Variants in TERT observed in about 807,000 individuals in gnomAD.
TERT encodes telomerase reverse transcriptase.
In TERT, 42 loss-of-function variants were observed where a neutral mutation model predicts 104.0. The ratio of observed to expected loss-of-function variants is 0.40; its 90% CI spans 0.32 to 0.52. TERT has a LOEUF of 0.52. Ranked by LOEUF, TERT falls within the 20% of genes least tolerant of loss-of-function variation. The pLI, the probability that TERT is intolerant of heterozygous loss-of-function variation, is 0.43. For synonymous variants in TERT, 781 were observed against 725.6 expected (o/e 1.08, Z -1.23); for missense variants, 1,101 against 1,610.3 (o/e 0.68, Z 5.41).
At position 1,274,734 on chromosome 5, in the gene TERT, GT is replaced by G. The variant is rs1334837375; in HGVS notation, c.2287-2455del. ...CGGGTTCCTAACAGGCCCCAGACCG[GT>G]GCCACTCCACAGCCAGGGGCCTCGG... is the stretch of plus-strand genomic sequence containing the variant. On this transcript the variant is annotated intron_variant, in intron 6 of 15. Transcript: ENST00000310581. The surrounding 1 kb of genome is among the most constrained non-coding windows in gnomAD (Gnocchi z 5.3). 6.6e-6 allele frequency among the ~76,000 whole-genome samples: 1 copy of G among 152,224 alleles called. No homozygotes were observed. The highest frequency in any genetic ancestry group is 2.4e-5 in the African/African-American group (1 of 41,450).
chr5:1,279,165 G>A, intron 5 of TERT, 126 bp downstream of exon 5: 1 of 1,129,860 alleles, frequency 8.9e-7, no homozygotes, highest in East Asian at 2.6e-5. Context: ...GTCCTCAACA[G>A]TGACAGGGTC....
rs372502882 is a variant in TERT at position 1,256,868 on chromosome 5, C to G, written c.3033-1457G>C. Among the ~76,000 whole-genome samples the G allele has an allele frequency of 6.6e-6, 1 of 152,222 alleles. No homozygotes were observed. The highest frequency in any genetic ancestry group is 1.5e-5 in the Non-Finnish European group (1 of 68,042). On this transcript the variant is annotated intron_variant, in intron 13 of 15. Coordinates refer to ENST00000310581, the MANE Select transcript of TERT (RefSeq NM_198253.3). This position sits in a 1 kb window ranked among gnomAD's most constrained non-coding sequence, Gnocchi z 7.0. Reference sequence around the variant, plus strand: ...CTGCTAGAGGTCGGGGCGTCCACCCCAAGCCCGTGTGGAGGCGCGGCCAGC... The same window carrying G: ...CTGCTAGAGGTCGGGGCGTCCACCCGAAGCCCGTGTGGAGGCGCGGCCAGC...
In TERT at chr5:1,293,971, C is replaced by G; in HGVS notation, c.915G>C (p.Ala305=). The G allele has an allele frequency of 6.4e-7, 1 of 1,558,148 alleles. No individual in the cohort carries two copies. The highest frequency in any genetic ancestry group is 8.7e-7 in the Non-Finnish European group (1 of 1,154,984). ...GTGGCCGCGATGTGGATGGGGGGCC[C>G]GCGTGGTGCTGGCGGCCCACGGATG... ...SHPSVGRQHH[A]GPPSTSRPPR... The change falls in exon 2 of 16, where the codon GCG becomes GCC. Residue 305 remains alanine (A), a synonymous_variant. Transcript: ENST00000310581.
At chr5:1,271,320 G>T (rs1749018234) in intron 7 of TERT, 116 bp from the exon 8 acceptor site, 3 of 772,862 alleles carry the variant, frequency 3.9e-6, no homozygotes, top group Admixed American at 4.0e-5. Context: ...TGAAGTGCGG[G>T]GCTGGGCTGG....
chr5:1,266,317 G>A (rs2126600609), intron 10 of TERT, 147 bp downstream of exon 10: 3 of 808,236 alleles, frequency 3.7e-6, no homozygotes, highest in East Asian at 5.3e-5. Context: ...GCACGGCCAA[G>A]CGCCTCTGCT....
chr5:1,291,764 C>T (rs1359466504), intron 2 of TERT, among the ~76,000 whole-genome samples: 2 of 152,052 alleles, frequency 1.3e-5, no homozygotes, highest in Admixed American at 6.5e-5. Context: ...CAGGGACACC[C>T]GGGGACCACG....
At chr5:1,267,355 C>T (rs1218100653) in intron 9 of TERT, among the ~76,000 whole-genome samples, 2 of 152,200 alleles carry the variant, frequency 1.3e-5, no homozygotes, top group Non-Finnish European at 2.9e-5. Context: ...CACATCCTCT[C>T]CAGCACCAGA....
intron 11 of TERT, 54 bp from the exon 12 acceptor site, chr5:1,260,654 C>G: frequency 6.2e-7 from 1 of 1,609,106 alleles, no homozygotes; most frequent in Non-Finnish European, 8.5e-7. Context: ...ACCCAGCCCC[C>G]TCCTGCAAAG....
rs534881275 is a variant in TERT at position 1,265,790 on chromosome 5, C to T, written c.2654+674G>A. Among the ~76,000 whole-genome samples, 123 of 152,260 alleles carry T rather than the reference C, an allele frequency of 8.1e-4. No homozygotes were observed. Among genetic ancestry groups the T allele is most frequent in the African/African-American group, 2.7e-3 (112 of 41,544 alleles). ...ACAGCTTTCAAGGTTTCTCGTCCCT[C>T]GTCAAATCGCACTTTAAAACAAGCC... On this transcript the variant is annotated intron_variant, in intron 10 of 15. Transcript: ENST00000310581. This position sits in a 1 kb window ranked among gnomAD's most constrained non-coding sequence, Gnocchi z 6.9.
rs907350449 is a variant in TERT at position 1,288,558 on chromosome 5, C to T, written c.1573+4755G>A. Among the ~76,000 whole-genome samples the T allele has an allele frequency of 6.6e-6, 1 of 151,982 alleles. No individual in the cohort carries two copies. The highest frequency in any genetic ancestry group is 1.5e-5 in the Non-Finnish European group (1 of 68,004). On this transcript the variant is annotated intron_variant, in intron 2 of 15. Transcript: ENST00000310581. This position sits in a 1 kb window ranked among gnomAD's most constrained non-coding sequence, Gnocchi z 5.3. ...GGCAGAGCCCAGCCTAAGCAATGAGCGGCAGGTGCCCAGAATAAGGTGACA... is the reference window on the plus strand; with the variant it reads ...GGCAGAGCCCAGCCTAAGCAATGAGTGGCAGGTGCCCAGAATAAGGTGACA...
At position 1,270,226 on chromosome 5, in the gene TERT, AC is replaced by A. The variant is rs1188093222; in HGVS notation, c.2468+892del. ...TTTAATAAATATTATAATTGCTGAT[AC>A]CATTAGTGATTACTTATAATGCAAT... is the stretch of plus-strand genomic sequence containing the variant. On this transcript the variant is annotated intron_variant, in intron 8 of 15. Transcript: ENST00000310581. This position sits in a 1 kb window ranked among gnomAD's most constrained non-coding sequence, Gnocchi z 8.3. 1.3e-5 allele frequency among the ~76,000 whole-genome samples: 2 copies of A among 152,224 alleles called. No homozygotes were observed. Among genetic ancestry groups the A allele is most frequent in the Non-Finnish European group, 2.9e-5 (2 of 68,032 alleles).
chr5:1,255,910 G>T lies in TERT; in HGVS notation c.3033-499C>A, dbSNP rs1375979684. On this transcript the variant is annotated intron_variant, in intron 13 of 15. Transcript: ENST00000310581. This position sits in a 1 kb window ranked among gnomAD's most constrained non-coding sequence, Gnocchi z 6.9. ...CCTGGGTCTGGGGTGATGGTGTGAGGACCCATCATCTCATCTCACTGACAC... is the reference window on the plus strand; with the variant it reads ...CCTGGGTCTGGGGTGATGGTGTGAGTACCCATCATCTCATCTCACTGACAC... Among the ~76,000 whole-genome samples, 1 of 151,920 alleles carries T rather than the reference G, an allele frequency of 6.6e-6. No individual in the cohort carries two copies. Among genetic ancestry groups the T allele is most frequent in the Non-Finnish European group, 1.5e-5 (1 of 67,974 alleles).
intron 2 of TERT, among the ~76,000 whole-genome samples, chr5:1,289,860 A>C (rs74682426): frequency 0.83 from 32,030 of 38,616 alleles, 13,893 homozygotes; most frequent in African/African-American, 0.89. Context: ...TCACCCTGCA[A>C]GTGACAGGGA....
intron 11 of TERT, 69 bp downstream of exon 11, chr5:1,264,335 A>G (rs1748438931): frequency 9.3e-6 from 14 of 1,503,294 alleles, no homozygotes; most frequent in Non-Finnish European, 1.3e-5. Flanking sequence ...GCAGAGGTGG[A>G]CGCAACGGCC....
At chr5:1,278,597 C>G in intron 6 of TERT, 44 bp downstream of exon 6, 1 of 1,613,554 alleles carries the variant, frequency 6.2e-7, no homozygotes, top group African/African-American at 1.3e-5. Context: ...ATTCATATCC[C>G]AGAGACACAC....
Position 1,268,042 on chromosome 5 carries a change from C to T in TERT, c.2582+478G>A, listed in dbSNP as rs1748741542. ...GCTGAGTTGAACCACATTAGGTTGG[C>T]ACGATATTTAGGTGTGTGCGTCCTT... is the stretch of plus-strand genomic sequence containing the variant. On this transcript the variant is annotated intron_variant, in intron 9 of 15. Coordinates refer to ENST00000310581, the MANE Select transcript of TERT (RefSeq NM_198253.3). This position sits in a 1 kb window ranked among gnomAD's most constrained non-coding sequence, Gnocchi z 5.5. Among the ~76,000 whole-genome samples the T allele has an allele frequency of 6.6e-6, 1 of 151,970 alleles. No homozygotes were observed. Among genetic ancestry groups the T allele is most frequent in the South Asian group, 2.1e-4 (1 of 4,824 alleles).
At chr5:1,293,108 G>A (rs1285162845) in intron 2 of TERT, among the ~76,000 whole-genome samples, 1 of 152,250 alleles carries the variant, frequency 6.6e-6, no homozygotes, top group Admixed American at 6.5e-5. Context: ...AAACGTGAAG[G>A]TGAACCTCGT....
At chr5:1,291,140 A>G (rs1579593048) in intron 2 of TERT, among the ~76,000 whole-genome samples, 1 of 134,156 alleles carries the variant, frequency 7.5e-6, no homozygotes, top group Non-Finnish European at 1.6e-5. Context: ...ACACCCGGGG[A>G]CAGTGCCTCA....
Position 1,265,921 on chromosome 5 carries a change from C to A in TERT, c.2654+543G>T, listed in dbSNP as rs1385787324. 6.6e-6 allele frequency among the ~76,000 whole-genome samples: 1 copy of A among 152,218 alleles called. No individual in the cohort carries two copies. The highest frequency in any genetic ancestry group is 2.4e-5 in the African/African-American group (1 of 41,460). ...TTAGTTTGATTCACAAAAATCAACTCTGAAACCCACTCCTAGCCATCTCCG... is the reference window on the plus strand; with the variant it reads ...TTAGTTTGATTCACAAAAATCAACTATGAAACCCACTCCTAGCCATCTCCG... On this transcript the variant is annotated intron_variant, in intron 10 of 15. Coordinates refer to ENST00000310581, the MANE Select transcript of TERT (RefSeq NM_198253.3). The surrounding 1 kb of genome is among the most constrained non-coding windows in gnomAD (Gnocchi z 6.9).
Sources: gnomAD v4.1 joint callset for allele counts (sites outside exome capture counted in the v4.1 genomes callset) on GRCh38, gnomAD v4.1.1 for gene constraint, Gnocchi (gnomAD v3.1) non-coding constraint, MANE v1.5 for transcripts, NCBI Gene and HGNC (gene_info 2026-07-23, HGNC 2026-07-21) for gene names.